TERT: variants seen among roughly 807,000 people sequenced by gnomAD.
TERT encodes telomerase catalytic subunit.
In TERT, 42 loss-of-function variants were observed where a neutral mutation model predicts 104.0. That is an observed-to-expected ratio of 0.40 (90% confidence interval 0.32 to 0.52). TERT has a LOEUF of 0.52. Among genes scored for constraint, TERT ranks in the 20% least tolerant of loss-of-function variants. The pLI is 0.43. For synonymous variants in TERT, 781 were observed against 725.6 expected (o/e 1.08, Z -1.23); for missense variants, 1,101 against 1,610.3 (o/e 0.68, Z 5.41).
chr5:1,279,257 A>C, intron 5 of TERT, 34 bp downstream of exon 5: 1 of 1,552,414 alleles, frequency 6.4e-7, no homozygotes, highest in Non-Finnish European at 8.7e-7. Flanking sequence ...CCCAAGGTCC[A>C]GCAGGGCTGC....
At chr5:1,290,934 T>TGACAGGGACACCCGGGGACGGC (rs1750874395) in intron 2 of TERT, among the ~76,000 whole-genome samples, 9 of 18,180 alleles carry the variant, frequency 5.0e-4, no homozygotes, top group Admixed American at 1.7e-3. Flanking sequence ...CCGGGGGCCG[T>TGACAGGGACACCCGGGGACGGC]GCCTCACTCA....
In TERT at chr5:1,293,315, G is replaced by C; in HGVS notation, c.1571C>G (p.Pro524Arg). 1.2e-6 allele frequency: 2 copies of C among 1,612,830 alleles called. No homozygotes were observed. Among genetic ancestry groups the C allele is most frequent in the South Asian group, 2.2e-5 (2 of 91,066 alleles). Residue 524 changes from proline to arginine, a missense_variant and splice_region_variant, in exon 2 of 16, where the codon CCA (proline) becomes CGA (arginine). Physicochemically the swap from Pro to Arg is moderately radical, Grantham distance 103. Coordinates refer to ENST00000310581, the MANE Select transcript of TERT (RefSeq NM_198253.3). ...VRDCAWLRRS[P>R]GVGCVPAAEH... Reference sequence around the variant, plus strand: ...CTCGACGGCCACCACCTCCTCACCTGGGCTCCTGCGCAGCCAAGCGCAGTC... The same window carrying C: ...CTCGACGGCCACCACCTCCTCACCTCGGCTCCTGCGCAGCCAAGCGCAGTC...
chr5:1,272,404 A>G, intron 6 of TERT, 124 bp from the exon 7 acceptor site: 1 of 912,054 alleles, frequency 1.1e-6, no homozygotes, highest in Non-Finnish European at 1.8e-6. Context: ...TGAAGCCCAG[A>G]GAGCGCCTGG....
intron 2 of TERT, among the ~76,000 whole-genome samples, chr5:1,284,324 G>A (rs1223752178): frequency 5.0e-3 from 380 of 75,378 alleles, no homozygotes; most frequent in Middle Eastern, 0.031. Context: ...AGGGCCTGGC[G>A]ACCTCACCCC....
At chr5:1,280,666 C>T (rs760279587) in intron 3 of TERT, among the ~76,000 whole-genome samples, 10 of 152,196 alleles carry the variant, frequency 6.6e-5, no homozygotes, top group Non-Finnish European at 1.3e-4. Flanking sequence ...ACCCATGCCC[C>T]TCCACACAGG....
chr5:1,275,368 T>C (rs1473288350), intron 6 of TERT, among the ~76,000 whole-genome samples: 2 of 143,118 alleles, frequency 1.4e-5, no homozygotes, highest in African/African-American at 5.2e-5. Context: ...AGAGCGAGAC[T>C]CTGTTATCAA....
In TERT at chr5:1,268,143, G is replaced by A. The variant is rs1426188718; in HGVS notation, c.2582+377C>T. 6.6e-6 allele frequency among the ~76,000 whole-genome samples: 1 copy of A among 152,252 alleles called. No homozygotes were observed. The highest frequency in any genetic ancestry group is 2.4e-5 in the African/African-American group (1 of 41,468). ...AGTCCAGGCCACCTGTCGAGGGCCTGCTGGGAGATGTGGGGCCTCAGGCTG... is the reference window on the plus strand; with the variant it reads ...AGTCCAGGCCACCTGTCGAGGGCCTACTGGGAGATGTGGGGCCTCAGGCTG... On this transcript the variant is annotated intron_variant, in intron 9 of 15. Coordinates refer to ENST00000310581, the MANE Select transcript of TERT (RefSeq NM_198253.3). This position sits in a 1 kb window ranked among gnomAD's most constrained non-coding sequence, Gnocchi z 5.5.
intron 2 of TERT, among the ~76,000 whole-genome samples, chr5:1,289,622 G>C (rs375708720): frequency 4.5e-3 from 111 of 24,498 alleles, no homozygotes; most frequent in African/African-American, 9.0e-3. Flanking sequence ...ACAGGGACAC[G>C]CGGGGACGGC....
rs370486790 is a variant in TERT at position 1,279,360 on chromosome 5, G to A, written c.2061C>T (p.His687=). 1.3e-5 allele frequency: 20 copies of A among 1,573,884 alleles called. No individual in the cohort carries two copies. The highest frequency in any genetic ancestry group is 1.5e-5 in the Non-Finnish European group (18 of 1,162,066). ...GASVLGLDDI[H]RAWRTFVLRV... is the part of the protein sequence containing the mutation. ...GCAGCACGAAGGTGCGCCAGGCCCT[G>A]TGGATATCGTCCAGGCCCAGCACAG... The change falls in exon 5 of 16, where the codon CAC becomes CAT. Residue 687 remains histidine, a synonymous_variant. Coordinates refer to ENST00000310581, the MANE Select transcript of TERT (RefSeq NM_198253.3).
rs1579599369 is a variant in TERT, at chr5:1,294,980, C to G, written c.10G>C (p.Ala4Pro). The G allele has an allele frequency of 1.5e-6, 2 of 1,321,432 alleles. No individual in the cohort carries two copies. The highest frequency in any genetic ancestry group is 1.9e-6 in the Non-Finnish European group (2 of 1,043,324). 81.9% of individuals were successfully genotyped at this position (1,321,432 alleles called of 1,614,324 possible). ...GAGCGCACGGCTCGGCAGCGGGGAG[C>G]GCGCGGCATCGCGGGGGTGGCCGGG... MPR[A>P]PRCRAVRSLL... The change falls in exon 1 of 16, where the codon GCT (alanine) becomes CCT (proline). Residue 4 changes from alanine (A) to proline (P), a missense_variant. Physicochemically the swap from Ala to Pro is conservative, Grantham distance 27. Transcript: ENST00000310581.
chr5:1,282,960 C>T, intron 2 of TERT: 1 of 419,040 alleles, frequency 2.4e-6, no homozygotes, highest in South Asian at 2.1e-5. Flanking sequence ...AACACACATA[C>T]AGCCCACCGC....
rs1471522928 is a variant in TERT at position 1,265,279 on chromosome 5, C to T, written c.2655-687G>A. 6.6e-6 allele frequency among the ~76,000 whole-genome samples: 1 copy of T among 152,182 alleles called. No individual in the cohort carries two copies. Among genetic ancestry groups the T allele is most frequent in the Non-Finnish European group, 1.5e-5 (1 of 68,018 alleles). ...CTGTGGCCCCGGGCGTCCCCCTGCC[C>T]TTCCTGTGGCCTGGCCCTGGGACCT... On this transcript the variant is annotated intron_variant, in intron 10 of 15. Transcript: ENST00000310581. The surrounding 1 kb of genome is among the most constrained non-coding windows in gnomAD (Gnocchi z 6.9).
In TERT at chr5:1,268,706, A is replaced by G; in HGVS notation, c.2469-73T>C. The G allele has an allele frequency of 1.0e-6, 1 of 984,324 alleles. No homozygotes were observed. The highest frequency in any genetic ancestry group is 1.6e-6 in the Non-Finnish European group (1 of 619,662). 61.0% of individuals were successfully genotyped at this position (984,324 alleles called of 1,614,324 possible). ...CATGCGTACACTCAAACCGAGCCAC[A>G]CACAGACACAGAACCTCATACACAC... On this transcript the variant is annotated intron_variant, in intron 8 of 15. Coordinates refer to ENST00000310581, the MANE Select transcript of TERT (RefSeq NM_198253.3). The surrounding 1 kb of genome is among the most constrained non-coding windows in gnomAD (Gnocchi z 5.5).
chr5:1,294,809 C>A lies in TERT; in HGVS notation c.181G>T (p.Asp61Tyr). ...VAQCLVCVPWDARPPPAAPSF... is the reference protein window; with the variant it reads ...VAQCLVCVPWYARPPPAAPSF... The stretch of plus-strand genomic sequence containing the variant: ...GGGGCGGCGGGGGGCGGCCGTGCGT[C>A]CCAGGGCACGCACACCAGGCACTGG... Residue 61 changes from aspartate (D) to tyrosine (Y), a missense_variant, in exon 1 of 16, where the codon GAC (aspartate) becomes TAC (tyrosine). Around this residue, in one of 5 missense-constraint regions of TERT, gnomAD observed 87 missense variants for 145.4 expected, o/e 0.60. Transcript: ENST00000310581. 1 of 1,516,652 alleles carries A rather than the reference C, an allele frequency of 6.6e-7. No homozygotes were observed. The highest frequency in any genetic ancestry group is 8.8e-7 in the Non-Finnish European group (1 of 1,140,028). 93.9% of individuals were successfully genotyped at this position (1,516,652 alleles called of 1,614,324 possible).
rs779338296 is a variant in TERT at position 1,280,171 on chromosome 5, C to T, written c.1937G>A (p.Arg646His). 1.4e-5 allele frequency: 23 copies of T among 1,614,004 alleles called. No individual in the cohort carries two copies. The highest frequency in any genetic ancestry group is 8.0e-5 in the African/African-American group (6 of 74,946). The change falls in exon 4 of 16, where the codon CGC becomes CAC. Residue 646 changes from arginine to histidine, a missense_variant. Physicochemically the swap from Arg to His is conservative, Grantham distance 29. This residue lies in a region of TERT where 463 missense variants were observed against 797.5 expected (regional missense o/e 0.58). Coordinates refer to ENST00000310581, the MANE Select transcript of TERT (RefSeq NM_198253.3). ...MDYVVGARTF[R>H]REKRAERLTS... The stretch of plus-strand genomic sequence containing the variant: ...AAGCACAGCCACCCTCTTTTCTCTG[C>T]GGAACGTTCTGGCTCCCACGACGTA...
rs972371531 is a variant in TERT, at chr5:1,255,778, G to C, written c.3033-367C>G. Among the ~76,000 whole-genome samples the C allele has an allele frequency of 6.6e-6, 1 of 152,106 alleles. No homozygotes were observed. Among genetic ancestry groups the C allele is most frequent in the Non-Finnish European group, 1.5e-5 (1 of 68,012 alleles). Reference sequence around the variant, plus strand: ...TTTATCCATTGTTCCTTGTGTACCAGCAGGTACTTATCATGAATCCTGCCC... The same window carrying C: ...TTTATCCATTGTTCCTTGTGTACCACCAGGTACTTATCATGAATCCTGCCC... On this transcript the variant is annotated intron_variant, in intron 13 of 15. Coordinates refer to ENST00000310581, the MANE Select transcript of TERT (RefSeq NM_198253.3). This position sits in a 1 kb window ranked among gnomAD's most constrained non-coding sequence, Gnocchi z 6.9.
rs35116243 is a variant in TERT, at chr5:1,286,417, G to T, written c.1574-3793C>A. 7.2e-5 allele frequency among the ~76,000 whole-genome samples: 11 copies of T among 152,198 alleles called. No homozygotes were observed. The South Asian group carries it at 1.7e-3, about 23-fold the overall frequency. On this transcript the variant is annotated intron_variant, in intron 2 of 15. Coordinates refer to ENST00000310581, the MANE Select transcript of TERT (RefSeq NM_198253.3). The surrounding 1 kb of genome is among the most constrained non-coding windows in gnomAD (Gnocchi z 5.3). Reference sequence around the variant, plus strand: ...GCAAAGCTACAGAAACACTCAACACGGAAAACAATATTAATAATGCTTAGC... The same window carrying T: ...GCAAAGCTACAGAAACACTCAACACTGAAAACAATATTAATAATGCTTAGC...
intron 6 of TERT, 49 bp from the exon 7 acceptor site, chr5:1,272,329 C>A: frequency 6.8e-7 from 1 of 1,474,382 alleles, no homozygotes; most frequent in Admixed American, 1.8e-5. Context: ...CTGCCCCGGC[C>A]AGAGCTGGGC....
rs1012601518 is a variant in TERT at position 1,270,071 on chromosome 5, C to A, written c.2468+1048G>T. Among the ~76,000 whole-genome samples the A allele has an allele frequency of 3.3e-5, 5 of 152,130 alleles. No homozygotes were observed. Among genetic ancestry groups the A allele is most frequent in the African/African-American group, 1.2e-4 (5 of 41,418 alleles). ...TTCTCTGGGGAGGTGACTTTGTCAG[C>A]GAATTCTGTGGGCCTGGGGGCCGCT... is the stretch of plus-strand genomic sequence containing the variant. On this transcript the variant is annotated intron_variant, in intron 8 of 15. Transcript: ENST00000310581. The surrounding 1 kb of genome is among the most constrained non-coding windows in gnomAD (Gnocchi z 8.3).
Sources: gnomAD v4.1 joint callset for allele counts (sites outside exome capture counted in the v4.1 genomes callset) on GRCh38, gnomAD v4.1.1 for gene constraint, gnomAD v4.1.1 regional missense constraint, Gnocchi (gnomAD v3.1) non-coding constraint, MANE v1.5 for transcripts, NCBI Gene and HGNC (gene_info 2026-07-23, HGNC 2026-07-21) for gene names.